The following PVALB variants were observed in gnomAD, a reference collection of about 807,000 sequenced individuals.
The protein encoded by PVALB is parvalbumin, also known as parvalbumin alpha.
A neutral mutation model predicts 10.9 loss-of-function variants in PVALB; 11 were observed. The observed-to-expected ratio is 1.01, with a 90% CI of 0.63 to 1.67. The LOEUF (loss-of-function observed/expected upper bound fraction) is 1.67. Among genes scored for constraint, PVALB ranks in the 40% most tolerant of loss-of-function variants. The probability of loss-of-function intolerance (pLI) is 0.00; values close to 1 mark genes in which losing one functional copy is unlikely to be tolerated. For synonymous variants in PVALB, 57 were observed against 50.7 expected (o/e 1.12, Z -0.53); for missense variants, 131 against 136.2 (o/e 0.96, Z 0.19).
intron 3 of PVALB, among the ~76,000 whole-genome samples, chr22:36,810,567 G>A (rs572448045): frequency 2.9e-4 from 44 of 152,258 alleles, no homozygotes; most frequent in African/African-American, 9.9e-4. Flanking sequence ...GGTGGGCCTG[G>A]ACCATGCTGT....
rs927096602 is a variant in PVALB at position 36,800,865 on chromosome 22, G to T, written c.*25C>A. ...ATTGGGTGTTCAGGGCAGAGAGGTG[G>T]AAGACCAGGGGCAGTCAGTGCTTCT... On this transcript the variant is annotated 3_prime_UTR_variant, in exon 4 of 4. Transcript: ENST00000417718. 2 of 1,598,034 alleles carry T rather than the reference G, an allele frequency of 1.3e-6. No individual in the cohort carries two copies. Among genetic ancestry groups the T allele is most frequent in the Non-Finnish European group, 1.7e-6 (2 of 1,165,284 alleles).
At chr22:36,816,667 G>A (rs993897768) in intron 1 of PVALB, among the ~76,000 whole-genome samples, 1 of 152,186 alleles carries the variant, frequency 6.6e-6, no homozygotes, top group Admixed American at 6.5e-5. Flanking sequence ...CCTTGGTCCC[G>A]GACCCTGAGT....
chr22:36,802,319 T>C (rs982896486), intron 3 of PVALB, among the ~76,000 whole-genome samples: 2 of 152,088 alleles, frequency 1.3e-5, no homozygotes, highest in Non-Finnish European at 2.9e-5. Context: ...AACCTGGCAC[T>C]GGGCTGGGCA....
intron 3 of PVALB, among the ~76,000 whole-genome samples, chr22:36,801,974 A>G (rs1408166719): frequency 6.6e-6 from 1 of 152,172 alleles, no homozygotes; most frequent in Non-Finnish European, 1.5e-5. Flanking sequence ...GAGAGGGGCC[A>G]GTAATAATTG....
intron 2 of PVALB, among the ~76,000 whole-genome samples, chr22:36,814,022 A>G (rs1939090845): frequency 6.6e-6 from 1 of 152,204 alleles, no homozygotes; most frequent in African/African-American, 2.4e-5. Flanking sequence ...TAATTTATCC[A>G]ACAAGTATTC....
upstream of PVALB, among the ~76,000 whole-genome samples, chr22:36,818,025 A>C: frequency 6.6e-6 from 1 of 152,176 alleles, no homozygotes; most frequent in East Asian, 1.9e-4. Flanking sequence ...GTATGCAGCC[A>C]GAGACCCGTT....
chr22:36,815,367 C>T lies in PVALB; in HGVS notation c.62-132G>A, dbSNP rs1234363816. 4.7e-6 allele frequency: 6 copies of T among 1,269,206 alleles called. No individual in the cohort carries two copies. The African/African-American group carries it at 8.9e-5, about 19-fold the overall frequency. 78.6% of individuals were successfully genotyped at this position (1,269,206 alleles called of 1,614,324 possible). A position where few individuals can be genotyped will look rare whatever the true frequency, so the allele number is the denominator to read the frequency against. On this transcript the variant is annotated intron_variant, in intron 1 of 3. Transcript: ENST00000417718. The stretch of plus-strand genomic sequence containing the variant: ...CATGGGGAATGAGAGGTACCCACCT[C>T]CATTGGAGGGCTGAGGGAGCCCGGG...
At position 36,815,242 on chromosome 22, in the gene PVALB, G is replaced by A. The variant is rs141944639; in HGVS notation, c.62-7C>T. 3 of 1,614,050 alleles carry A rather than the reference G, an allele frequency of 1.9e-6. No individual in the cohort carries two copies. The highest frequency in any genetic ancestry group is 2.2e-5 in the East Asian group (1 of 44,892). ...TGGTCGAAGGAGTCGGTAGCTGTGG[G>A]GGGAAGAGCAGGGTCAAACAAGGAC... On this transcript the variant is annotated splice_region_variant and splice_polypyrimidine_tract_variant and intron_variant, in intron 1 of 3. Transcript: ENST00000417718.
intron 2 of PVALB, among the ~76,000 whole-genome samples, chr22:36,814,264 TGTGA>T (rs1408972277): frequency 2.0e-5 from 1 of 50,854 alleles, no homozygotes; most frequent in Non-Finnish European, 3.8e-5. Context: ...AGTCAGCCTC[TGTGA>T]GTGTGTGTGT....
chr22:36,800,901 C>T lies in PVALB; in HGVS notation c.322G>A (p.Ala108Thr). Reference sequence around the variant, plus strand: ...GCAGTCAGTGCTTCTTAGCTTTCAGCCACCAGAGTGGAGAATTCTGCAGAA... The same window carrying T: ...GCAGTCAGTGCTTCTTAGCTTTCAGTCACCAGAGTGGAGAATTCTGCAGAA... ...IGVDEFSTLV[A>T]ES is the part of the protein sequence containing the mutation. The change falls in exon 4 of 4, where the codon GCT becomes ACT. Residue 108 changes from alanine to threonine, a missense_variant. Ala to Thr is a moderately conservative substitution (Grantham distance 58, BLOSUM62 0). Coordinates refer to ENST00000417718, the MANE Select transcript of PVALB (RefSeq NM_001315532.2). 6.2e-7 allele frequency: 1 copy of T among 1,611,556 alleles called. No homozygotes were observed. The highest frequency in any genetic ancestry group is 1.7e-5 in the Admixed American group (1 of 59,996).
chr22:36,803,697 A>ATGGG, intron 3 of PVALB, among the ~76,000 whole-genome samples: 1 of 114,216 alleles, frequency 8.8e-6, no homozygotes, highest in South Asian at 3.1e-4. Flanking sequence ...GGATGGATGG[A>ATGGG]TGGATGGATG....
rs1601518255 is a variant in PVALB at position 36,803,904 on chromosome 22, G to A, written c.305-2986C>T. Reference sequence around the variant, plus strand: ...GAGGCAGAGCCAGGACTTGGCCTCTGGCCTCAGGAACCTGCTACATGAATG... The same window carrying A: ...GAGGCAGAGCCAGGACTTGGCCTCTAGCCTCAGGAACCTGCTACATGAATG... On this transcript the variant is annotated intron_variant, in intron 3 of 3. Transcript: ENST00000417718. Among the ~76,000 whole-genome samples, 3 of 152,208 alleles carry A rather than the reference G, an allele frequency of 2.0e-5. No individual in the cohort carries two copies. In the East Asian group the frequency reaches 5.8e-4, roughly 29 times the overall value.
At chr22:36,813,786 G>A (rs1218631429) in intron 2 of PVALB, 31 bp from the exon 3 acceptor site, 1 of 1,560,474 alleles carries the variant, frequency 6.4e-7, no homozygotes, top group Non-Finnish European at 8.8e-7. Context: ...AGCCGGTGAG[G>A]GAGTCAGGCC....
intron 3 of PVALB, among the ~76,000 whole-genome samples, chr22:36,810,513 T>C (rs1019646511): frequency 6.6e-6 from 1 of 152,160 alleles, no homozygotes; most frequent in African/African-American, 2.4e-5. Flanking sequence ...CTGTGCTCAT[T>C]GTCTATTTTA....
intron 3 of PVALB, among the ~76,000 whole-genome samples, chr22:36,804,448 G>T (rs1264934150): frequency 6.6e-6 from 1 of 152,250 alleles, no homozygotes; most frequent in Non-Finnish European, 1.5e-5. Flanking sequence ...GCCTTCGGCA[G>T]AGAACACGGA....
chr22:36,807,679 G>C (rs2145948237), intron 3 of PVALB, among the ~76,000 whole-genome samples: 1 of 152,260 alleles, frequency 6.6e-6, no homozygotes, highest in East Asian at 1.9e-4. Flanking sequence ...TTCCAGGTGT[G>C]GGAATGGATG....
Position 36,800,750 on chromosome 22 carries a change from G to T in PVALB, c.*140C>A. The T allele has an allele frequency of 1.1e-6, 1 of 904,674 alleles. No individual in the cohort carries two copies. Among genetic ancestry groups the T allele is most frequent in the Non-Finnish European group, 1.8e-6 (1 of 549,842 alleles). The allele number at this position is 904,674 out of a possible 1,614,324, so 56.0% of individuals were successfully genotyped here. A position where few individuals can be genotyped will look rare whatever the true frequency, so the allele number is the denominator to read the frequency against. ...TTCTCCAGCATTTTCCAGAAGAATG[G>T]TGTCATTAGAGGGCCACAGGGGATG... On this transcript the variant is annotated 3_prime_UTR_variant, in exon 4 of 4. Coordinates refer to ENST00000417718, the MANE Select transcript of PVALB (RefSeq NM_001315532.2).
intron 3 of PVALB, among the ~76,000 whole-genome samples, chr22:36,801,955 T>C (rs2145944068): frequency 6.6e-6 from 1 of 152,136 alleles, no homozygotes; most frequent in East Asian, 1.9e-4. Flanking sequence ...CATCTGTCAG[T>C]GGAGTGAAGA....
chr22:36,818,218 G>A (rs1456726087), upstream of PVALB, among the ~76,000 whole-genome samples: 1 of 152,160 alleles, frequency 6.6e-6, no homozygotes, highest in Admixed American at 6.5e-5. Flanking sequence ...GATGACGTCA[G>A]TGGTCCCATG....
Sources: allele counts gnomAD v4.1 joint callset (sites outside exome capture counted in the v4.1 genomes callset), GRCh38; gene constraint gnomAD v4.1.1; transcripts MANE v1.5; gene names NCBI Gene and HGNC (gene_info 2026-07-23, HGNC 2026-07-21).